SFXN5: variants seen among roughly 807,000 people sequenced by gnomAD.
SFXN5 encodes the protein sideroflexin 5.
Under a neutral mutation model 50.2 loss-of-function variants are expected in SFXN5, and 43 were observed. That is an observed-to-expected ratio of 0.86 (90% CI 0.67 to 1.11). The LOEUF is 1.11. Among genes scored for constraint, SFXN5 ranks in the 50% least tolerant of loss-of-function variants. The pLI is 0.00. For synonymous variants in SFXN5, 203 were observed against 185.8 expected (o/e 1.09, Z -0.75); for missense variants, 463 against 454.1 (o/e 1.02, Z -0.18).
chr2:73,023,348 C>A (rs1574146624), intron 3 of SFXN5, 134 bp from the exon 4 acceptor site: 1 of 825,678 alleles, frequency 1.2e-6, no homozygotes, highest in South Asian at 1.8e-5. Flanking sequence ...GCTATCCTTG[C>A]CAGCCCAGGC....
intron 13 of SFXN5, among the ~76,000 whole-genome samples, chr2:72,958,316 C>T (rs533141907): frequency 6.6e-6 from 1 of 152,120 alleles, no homozygotes; most frequent in Non-Finnish European, 1.5e-5. Context: ...GTAGCACTTC[C>T]TAGGGGCCTG....
chr2:72,986,838 A>G (rs1268035548), intron 10 of SFXN5, among the ~76,000 whole-genome samples: 2 of 152,134 alleles, frequency 1.3e-5, no homozygotes, highest in African/African-American at 4.8e-5. Flanking sequence ...ACGCAGCTGA[A>G]ATCCCCTCCA....
At position 73,059,562 on chromosome 2, in the gene SFXN5, G is replaced by T. The variant is rs1023701651; in HGVS notation, c.103-966C>A. 4.1e-6 allele frequency: 4 copies of T among 985,066 alleles called. No homozygotes were observed. In the African/African-American group the frequency reaches 7.0e-5, roughly 17 times the overall value. The allele number at this position is 985,066 out of a possible 1,614,324, so 61.0% of individuals were successfully genotyped here. A position where few individuals can be genotyped will look rare whatever the true frequency, so the allele number is the denominator to read the frequency against. ...ATAAGGACCCTGCAATAGGCTCCAG[G>T]TCACCTCAAAGTCCCCCCACACACC... On this transcript the variant is annotated intron_variant, in intron 1 of 13. Transcript: ENST00000272433.
Position 73,071,594 on chromosome 2 carries a change from C to T in SFXN5, c.102+10G>A, listed in dbSNP as rs375335857. On this transcript the variant is annotated intron_variant, in intron 1 of 13. Coordinates refer to ENST00000272433, the MANE Select transcript of SFXN5 (RefSeq NM_144579.3). ...ACCCGCCGGCCCGCAGACCACAGCC[C>T]GGTCCTCACCTGCTGGAAGCGGGGT... is the stretch of plus-strand genomic sequence containing the variant. 6 of 1,612,512 alleles carry T rather than the reference C, an allele frequency of 3.7e-6. No individual in the cohort carries two copies. Among genetic ancestry groups the T allele is most frequent in the African/African-American group, 1.3e-5 (1 of 75,026 alleles).
chr2:73,045,862 G>A (rs1156450308), intron 2 of SFXN5, among the ~76,000 whole-genome samples: 1 of 152,060 alleles, frequency 6.6e-6, no homozygotes, highest in Non-Finnish European at 1.5e-5. Flanking sequence ...GCTGCGATGG[G>A]TCCTTGGCTC....
At chr2:73,037,325 T>C (rs1679113171) in intron 3 of SFXN5, among the ~76,000 whole-genome samples, 1 of 152,164 alleles carries the variant, frequency 6.6e-6, no homozygotes, top group Non-Finnish European at 1.5e-5. Context: ...AGACAGGAAC[T>C]TCATCCAGCT....
chr2:73,016,516 C>G (rs913242951), intron 6 of SFXN5, among the ~76,000 whole-genome samples: 1 of 152,116 alleles, frequency 6.6e-6, no homozygotes, highest in Non-Finnish European at 1.5e-5. Flanking sequence ...ACTAGCCTGG[C>G]CAACATGGCG....
At chr2:73,037,608 T>C (rs1033917405) in intron 3 of SFXN5, among the ~76,000 whole-genome samples, 1 of 152,076 alleles carries the variant, frequency 6.6e-6, no homozygotes, top group Non-Finnish European at 1.5e-5. Flanking sequence ...ATTTCACAGA[T>C]AAAGAGAAGA....
intron 10 of SFXN5, among the ~76,000 whole-genome samples, chr2:72,984,182 A>G (rs1400398746): frequency 6.6e-6 from 1 of 152,246 alleles, no homozygotes; most frequent in Non-Finnish European, 1.5e-5. Context: ...ATCTCCATGT[A>G]TAAATAGAAA....
chr2:73,067,385 T>G (rs1008505801), intron 1 of SFXN5, among the ~76,000 whole-genome samples: 1 of 152,058 alleles, frequency 6.6e-6, no homozygotes, highest in Non-Finnish European at 1.5e-5. Flanking sequence ...GAGACATTAG[T>G]GTAAAAAAAA....
chr2:72,999,725 T>C (rs1574076028), intron 8 of SFXN5, among the ~76,000 whole-genome samples: 2 of 152,052 alleles, frequency 1.3e-5, no homozygotes, highest in African/African-American at 4.8e-5. Context: ...CAGCTCCTAT[T>C]CCCCTCCTCT....
At chr2:73,047,232 AAAAAAAAAAAAAAATATATATAT>A (rs1339775568) in intron 2 of SFXN5, among the ~76,000 whole-genome samples, 48 of 62,702 alleles carry the variant, frequency 7.7e-4, no homozygotes, top group East Asian at 1.0e-3. Flanking sequence ...AAAAAAAAAA[AAAAAAAAAAAAAAATATATATAT>A]ATATATATAT....
intron 2 of SFXN5, chr2:73,048,987 G>A (rs367979591): frequency 2.0e-5 from 3 of 152,130 alleles, no homozygotes; most frequent in East Asian, 3.8e-4. Flanking sequence ...TAATGATCCT[G>A]GACAGAATCA....
chr2:73,067,981 T>C (rs1683296462), intron 1 of SFXN5, among the ~76,000 whole-genome samples: 1 of 152,186 alleles, frequency 6.6e-6, no homozygotes, highest in Non-Finnish European at 1.5e-5. Flanking sequence ...ACAAAAAGGC[T>C]GGAATGATGC....
intron 6 of SFXN5, among the ~76,000 whole-genome samples, chr2:73,011,739 T>C (rs1239729468): frequency 2.6e-5 from 4 of 152,178 alleles, no homozygotes; most frequent in Non-Finnish European, 2.9e-5. Flanking sequence ...TCCCATCAGA[T>C]TGGCAAAAAC....
chr2:73,020,000 A>C (rs1559162896), intron 6 of SFXN5: 2 of 484,168 alleles, frequency 4.1e-6, no homozygotes, highest in Non-Finnish European at 7.3e-6. Flanking sequence ...CGTGCAGGGA[A>C]GAAGGCAATT....
intron 9 of SFXN5, among the ~76,000 whole-genome samples, chr2:72,990,312 C>T (rs1203082489): frequency 3.9e-5 from 6 of 152,326 alleles, no homozygotes; most frequent in South Asian, 2.1e-4. Flanking sequence ...GGCATCACGG[C>T]GTGGACACAC....
chr2:72,961,196 C>G lies in SFXN5; in HGVS notation c.880G>C (p.Val294Leu). The G allele has an allele frequency of 1.3e-6, 2 of 1,562,638 alleles. No homozygotes were observed. Among genetic ancestry groups the G allele is most frequent in the Non-Finnish European group, 1.7e-6 (2 of 1,159,912 alleles). ...PRLLLPVQSL[V>L]CLAAFGLALP... ...GCCAGGCCGAAGGCTGCCAGGCACA[C>G]GAGGCTTTGCACAGGGAGGAGCAGC... The change falls in exon 13 of 14, where the codon GTG (valine) becomes CTG (leucine). Residue 294 changes from valine to leucine, a missense_variant. Val to Leu is a conservative substitution (Grantham distance 32, BLOSUM62 1). Transcript: ENST00000272433. This position sits in a 1 kb window ranked among gnomAD's most constrained non-coding sequence, Gnocchi z 4.4.
At chr2:73,050,743 A>C (rs1462833889) in intron 2 of SFXN5, among the ~76,000 whole-genome samples, 2 of 152,222 alleles carry the variant, frequency 1.3e-5, no homozygotes, top group Non-Finnish European at 2.9e-5. Flanking sequence ...CCTTCTAGCC[A>C]TACTAATCTC....
Sources: gnomAD v4.1 joint callset for allele counts (sites outside exome capture counted in the v4.1 genomes callset) on GRCh38, gnomAD v4.1.1 for gene constraint, Gnocchi (gnomAD v3.1) non-coding constraint, MANE v1.5 for transcripts, NCBI Gene and HGNC (gene_info 2026-07-23, HGNC 2026-07-21) for gene names.